The following BRIP1 variants were observed in gnomAD, a reference collection of about 807,000 sequenced individuals.
BRIP1 encodes Fanconi anemia group J protein.
A neutral mutation model predicts 119.7 loss-of-function variants in BRIP1; 88 were observed. The observed-to-expected ratio is 0.74, with a 90% CI of 0.62 to 0.88. The LOEUF is 0.88. Among genes scored for constraint, BRIP1 ranks in the 40% least tolerant of loss-of-function variants. The probability of loss-of-function intolerance (pLI) is 0.00; values close to 1 mark genes in which losing one functional copy is unlikely to be tolerated. For synonymous variants in BRIP1, 443 were observed against 496.5 expected (o/e 0.89, Z 1.43); for missense variants, 1,259 against 1,455.4 (o/e 0.87, Z 2.20).
Position 61,742,299 on chromosome 17 carries a change from C to T in BRIP1, c.2379+714G>A, listed in dbSNP as rs546378377. Among the ~76,000 whole-genome samples, 3 of 152,238 alleles carry T rather than the reference C, an allele frequency of 2.0e-5. No homozygotes were observed. The highest frequency in any genetic ancestry group is 2.0e-4 in the Admixed American group (3 of 15,288). ...TTGATCTTCTTTCCAGACACTAAACCTTTCTCTATATCAGTAATAAGACTG... is the reference window on the plus strand; with the variant it reads ...TTGATCTTCTTTCCAGACACTAAACTTTTCTCTATATCAGTAATAAGACTG... On this transcript the variant is annotated intron_variant, in intron 16 of 19. Transcript: ENST00000259008. This position sits in a 1 kb window ranked among gnomAD's most constrained non-coding sequence, Gnocchi z 4.7.
At position 61,736,418 on chromosome 17, in the gene BRIP1, T is replaced by G. The variant is rs533689954; in HGVS notation, c.2379+6595A>C. Among the ~76,000 whole-genome samples the G allele has an allele frequency of 8.5e-4, 130 of 152,324 alleles. No individual in the cohort carries two copies. The highest frequency in any genetic ancestry group is 3.1e-3 in the African/African-American group (130 of 41,582). On this transcript the variant is annotated intron_variant, in intron 16 of 19. Coordinates refer to ENST00000259008, the MANE Select transcript of BRIP1 (RefSeq NM_032043.3). This position sits in a 1 kb window ranked among gnomAD's most constrained non-coding sequence, Gnocchi z 4.4. ...AAGATACTCCCTCCACTTATTATGT[T>G]CTACTATGTATTAAATAAAGTGTAA... is the stretch of plus-strand genomic sequence containing the variant.
At chr17:61,741,579 G>C (rs1288430372) in intron 16 of BRIP1, among the ~76,000 whole-genome samples, 1 of 152,210 alleles carries the variant, frequency 6.6e-6, no homozygotes, top group East Asian at 1.9e-4. Flanking sequence ...TGGATGTTTT[G>C]TTAGCAAGCA....
rs10601136 is a variant in BRIP1 at position 61,681,210 on chromosome 17, GGACA to G, written c.*2082_*2085del. ...ACAATTCAAGATGAGATCTGGCTGG[GGACA>G]TAGCCAAACCACGTCACCATCGTTC... is the stretch of plus-strand genomic sequence containing the variant. On this transcript the variant is annotated 3_prime_UTR_variant, in exon 20 of 20. Coordinates refer to ENST00000259008, the MANE Select transcript of BRIP1 (RefSeq NM_032043.3). This position sits in a 1 kb window ranked among gnomAD's most constrained non-coding sequence, Gnocchi z 5.1. 0.37 allele frequency: 73,696 copies of G among 200,172 alleles called. 14,126 individuals carry two copies. The highest frequency in any genetic ancestry group is 0.49 in the African/African-American group (21,142 of 43,294). 12.4% of individuals were successfully genotyped at this position (200,172 alleles called of 1,614,324 possible). A position where few individuals can be genotyped will look rare whatever the true frequency, so the allele number is the denominator to read the frequency against.
In BRIP1 at chr17:61,752,998, T is replaced by C. The variant is rs1037904362; in HGVS notation, c.2098-8407A>G. On this transcript the variant is annotated intron_variant, in intron 14 of 19. Transcript: ENST00000259008. This position sits in a 1 kb window ranked among gnomAD's most constrained non-coding sequence, Gnocchi z 6.2. ...TGTGGCAGCATTGAGAGGTGGGGGATTTTAAGAGGTGACAGGGTAACAAGA... is the reference window on the plus strand; with the variant it reads ...TGTGGCAGCATTGAGAGGTGGGGGACTTTAAGAGGTGACAGGGTAACAAGA... 6.6e-6 allele frequency among the ~76,000 whole-genome samples: 1 copy of C among 152,196 alleles called. No homozygotes were observed. Among genetic ancestry groups the C allele is most frequent in the Admixed American group, 6.5e-5 (1 of 15,288 alleles).
intron 4 of BRIP1, among the ~76,000 whole-genome samples, chr17:61,850,129 T>A (rs552155691): frequency 7.0e-6 from 1 of 143,538 alleles, no homozygotes; most frequent in African/African-American, 2.6e-5. Flanking sequence ...TGAGATGGAG[T>A]TTTCCTCTTG....
In BRIP1 at chr17:61,852,628, A is replaced by C. The variant is rs1405459478; in HGVS notation, c.380-3372T>G. 6.6e-6 allele frequency among the ~76,000 whole-genome samples: 1 copy of C among 152,178 alleles called. No individual in the cohort carries two copies. The highest frequency in any genetic ancestry group is 1.5e-5 in the Non-Finnish European group (1 of 68,030). ...CAGTGCAGTGAGTTGAGATCGCACC[A>C]CTGCACTCTAGCCTGAGCGACAGAG... is the stretch of plus-strand genomic sequence containing the variant. On this transcript the variant is annotated intron_variant, in intron 4 of 19. Transcript: ENST00000259008. The surrounding 1 kb of genome is among the most constrained non-coding windows in gnomAD (Gnocchi z 4.9).
rs2077169535 is a variant in BRIP1 at position 61,754,071 on chromosome 17, T to A, written c.2098-9480A>T. 6.6e-6 allele frequency among the ~76,000 whole-genome samples: 1 copy of A among 152,316 alleles called. No homozygotes were observed. Among genetic ancestry groups the A allele is most frequent in the East Asian group, 1.9e-4 (1 of 5,182 alleles). ...TAGATTACAGCAGACTCCTTAACAGTCACCCTTGCTTCAGCCTATGCTCTC... is the reference window on the plus strand; with the variant it reads ...TAGATTACAGCAGACTCCTTAACAGACACCCTTGCTTCAGCCTATGCTCTC... On this transcript the variant is annotated intron_variant, in intron 14 of 19. Transcript: ENST00000259008. The surrounding 1 kb of genome is among the most constrained non-coding windows in gnomAD (Gnocchi z 4.1).
At position 61,740,332 on chromosome 17, in the gene BRIP1, C is replaced by T. The variant is rs1386779529; in HGVS notation, c.2379+2681G>A. ...GACTGATAAAACACAAATTGCTGGG[C>T]TTCACTTCCACAGTTTCTGATTTGG... On this transcript the variant is annotated intron_variant, in intron 16 of 19. Coordinates refer to ENST00000259008, the MANE Select transcript of BRIP1 (RefSeq NM_032043.3). The surrounding 1 kb of genome is among the most constrained non-coding windows in gnomAD (Gnocchi z 5.4). 6.6e-6 allele frequency among the ~76,000 whole-genome samples: 1 copy of T among 152,122 alleles called. No individual in the cohort carries two copies. The highest frequency in any genetic ancestry group is 1.5e-5 in the Non-Finnish European group (1 of 68,016).
At position 61,691,734 on chromosome 17, in the gene BRIP1, G is replaced by A. The variant is rs992640611; in HGVS notation, c.2575+1696C>T. On this transcript the variant is annotated intron_variant, in intron 18 of 19. Transcript: ENST00000259008. This position sits in a 1 kb window ranked among gnomAD's most constrained non-coding sequence, Gnocchi z 5.0. ...CTCCCAAAACACTGGGATTACAGGC[G>A]TGAGCCACCATGCCCGGCTGCAATC... Among the ~76,000 whole-genome samples the A allele has an allele frequency of 6.6e-6, 1 of 152,162 alleles. No individual in the cohort carries two copies. Among genetic ancestry groups the A allele is most frequent in the Non-Finnish European group, 1.5e-5 (1 of 68,032 alleles).
rs1375035900 is a variant in BRIP1 at position 61,735,697 on chromosome 17, A to T, written c.2379+7316T>A. Among the ~76,000 whole-genome samples, 1 of 151,896 alleles carries T rather than the reference A, an allele frequency of 6.6e-6. No homozygotes were observed. The highest frequency in any genetic ancestry group is 1.5e-5 in the Non-Finnish European group (1 of 67,984). On this transcript the variant is annotated intron_variant, in intron 16 of 19. Coordinates refer to ENST00000259008, the MANE Select transcript of BRIP1 (RefSeq NM_032043.3). This position sits in a 1 kb window ranked among gnomAD's most constrained non-coding sequence, Gnocchi z 4.4. Reference sequence around the variant, plus strand: ...GTGGCTGTAGTGCCAGCTACCCAGGAGGCTGAGGTGGGAGGATCACCTGAG... The same window carrying T: ...GTGGCTGTAGTGCCAGCTACCCAGGTGGCTGAGGTGGGAGGATCACCTGAG...
Position 61,808,526 on chromosome 17 carries a change from C to T in BRIP1, c.859G>A (p.Glu287Lys), listed in dbSNP as rs1309409845. ...TTTCTGTTGAAGTTACCGACTACCTCAGGATGGACACAAGTATGATCCCTG... is the reference window on the plus strand; with the variant it reads ...TTTCTGTTGAAGTTACCGACTACCTTAGGATGGACACAAGTATGATCCCTG... ...SSRDHTCVHP[E>K]VVGNFNRNEK... The change falls in exon 7 of 20, where the codon GAG becomes AAG. Residue 287 changes from glutamate to lysine, a missense_variant. Physicochemically the swap from Glu to Lys is moderately conservative, Grantham distance 56. Around this residue, in one of 3 missense-constraint regions of BRIP1, gnomAD observed 501 missense variants for 544.0 expected, o/e 0.92. Coordinates refer to ENST00000259008, the MANE Select transcript of BRIP1 (RefSeq NM_032043.3). The surrounding 1 kb of genome is among the most constrained non-coding windows in gnomAD (Gnocchi z 4.1). 3 of 1,613,752 alleles carry T rather than the reference C, an allele frequency of 1.9e-6. No individual in the cohort carries two copies. The African/African-American group carries it at 4.0e-5, about 22-fold the overall frequency.
At chr17:61,817,549 G>A (rs1057311111) in intron 6 of BRIP1, among the ~76,000 whole-genome samples, 1 of 152,254 alleles carries the variant, frequency 6.6e-6, no homozygotes, top group Non-Finnish European at 1.5e-5. Flanking sequence ...TTACATACAA[G>A]TCTCTAAAGC....
chr17:61,760,842 A>C lies in BRIP1; in HGVS notation c.2097+15559T>G, dbSNP rs1205569009. On this transcript the variant is annotated intron_variant, in intron 14 of 19. Transcript: ENST00000259008. The surrounding 1 kb of genome is among the most constrained non-coding windows in gnomAD (Gnocchi z 4.6). ...CCTAACAGTTAAAGAACTAATACCA[A>C]TCATTCTCAAATGCTTTCAAAGAAG... is the stretch of plus-strand genomic sequence containing the variant. Among the ~76,000 whole-genome samples, 1 of 152,016 alleles carries C rather than the reference A, an allele frequency of 6.6e-6. No homozygotes were observed. The highest frequency in any genetic ancestry group is 2.4e-5 in the African/African-American group (1 of 41,450).
At chr17:61,830,424 A>T (rs904988120) in intron 6 of BRIP1, among the ~76,000 whole-genome samples, 2 of 150,752 alleles carry the variant, frequency 1.3e-5, no homozygotes, top group African/African-American at 4.9e-5. Flanking sequence ...AGCAAAATGA[A>T]TTCTAGATTA....
Position 61,701,877 on chromosome 17 carries a change from C to T in BRIP1, c.2493-8365G>A, listed in dbSNP as rs1275601212. Among the ~76,000 whole-genome samples the T allele has an allele frequency of 2.0e-5, 3 of 152,146 alleles. No homozygotes were observed. Among genetic ancestry groups the T allele is most frequent in the African/African-American group, 7.2e-5 (3 of 41,426 alleles). ...TCACATAATTCTCTGGAAATGTACT[C>T]CAGACCTGTTTTGCTCCCTCCAATG... On this transcript the variant is annotated intron_variant, in intron 17 of 19. Transcript: ENST00000259008. This position sits in a 1 kb window ranked among gnomAD's most constrained non-coding sequence, Gnocchi z 5.1.
Position 61,840,597 on chromosome 17 carries a change from C to T in BRIP1, c.627+6504G>A, listed in dbSNP as rs536874996. 1.8e-4 allele frequency among the ~76,000 whole-genome samples: 27 copies of T among 152,014 alleles called. No homozygotes were observed. The South Asian group carries it at 5.2e-3, about 29-fold the overall frequency. Reference sequence around the variant, plus strand: ...TTTGAGAGCAGCTTAGGCAACATAGCGAAACCTTGTCTCTAAAAAAGTTAA... The same window carrying T: ...TTTGAGAGCAGCTTAGGCAACATAGTGAAACCTTGTCTCTAAAAAAGTTAA... On this transcript the variant is annotated intron_variant, in intron 6 of 19. Transcript: ENST00000259008.
intron 17 of BRIP1, among the ~76,000 whole-genome samples, chr17:61,696,154 G>T (rs1168378463): frequency 6.7e-6 from 1 of 148,358 alleles, no homozygotes; most frequent in Non-Finnish European, 1.5e-5. Flanking sequence ...TTCCCACTTT[G>T]TTGAGTATTT....
chr17:61,743,680 A>T lies in BRIP1; in HGVS notation c.2258-546T>A, dbSNP rs548654019. The stretch of plus-strand genomic sequence containing the variant: ...CTATCCCTTCACATCAAACTTTTTT[A>T]TTTTATTTTATTATTTTTTGTGTGT... On this transcript the variant is annotated intron_variant, in intron 15 of 19. Transcript: ENST00000259008. The surrounding 1 kb of genome is among the most constrained non-coding windows in gnomAD (Gnocchi z 4.3). Among the ~76,000 whole-genome samples, 13 of 152,010 alleles carry T rather than the reference A, an allele frequency of 8.6e-5. No homozygotes were observed. In the East Asian group the frequency reaches 2.3e-3, roughly 27 times the overall value.
intron 17 of BRIP1, among the ~76,000 whole-genome samples, chr17:61,702,074 GGTTA>G (rs2061622829): frequency 6.6e-6 from 1 of 152,170 alleles, no homozygotes; most frequent in East Asian, 1.9e-4. Context: ...TGTAACTTTT[GGTTA>G]ATACCCAGAG....
Sources: gnomAD v4.1 joint callset for allele counts (sites outside exome capture counted in the v4.1 genomes callset) on GRCh38, gnomAD v4.1.1 for gene constraint, gnomAD v4.1.1 regional missense constraint, Gnocchi (gnomAD v3.1) non-coding constraint, MANE v1.5 for transcripts, NCBI Gene and HGNC (gene_info 2026-07-23, HGNC 2026-07-21) for gene names.